PHF3: variants seen among roughly 807,000 people sequenced by gnomAD.
The protein encoded by PHF3 is PHD finger protein 3.
A neutral mutation model predicts 178.4 loss-of-function variants in PHF3; 41 were observed. That is an observed-to-expected ratio of 0.23 (90% CI 0.18 to 0.30). The LOEUF is 0.30. Among genes scored for constraint, PHF3 ranks in the 10% least tolerant of loss-of-function variants. PHF3 has a pLI of 1.00. For missense variants in PHF3, 2,346 were observed against 2,398.1 expected (o/e 0.98, Z 0.45); for synonymous variants, 842 against 800.5 (o/e 1.05, Z -0.88).
At position 63,685,450 on chromosome 6, in the gene PHF3, G is replaced by A; in HGVS notation, c.1728G>A (p.Leu576=). Residue 576 remains leucine (L), a synonymous_variant, in exon 4 of 16, where the codon CTG becomes CTA. Transcript: ENST00000262043. The stretch of plus-strand genomic sequence containing the variant: ...TGAAAAACCAAGCTCATTCTGTACT[G>A]AAAAAAACATTACAGGATCAAACTT... ...KSVKNQAHSV[L]KKTLQDQTLV... 2 of 1,613,908 alleles carry A rather than the reference G, an allele frequency of 1.2e-6. No individual in the cohort carries two copies. The highest frequency in any genetic ancestry group is 1.7e-6 in the Non-Finnish European group (2 of 1,179,986).
At chr6:63,689,578 C>T (rs1766905450) in intron 4 of PHF3, among the ~76,000 whole-genome samples, 1 of 152,124 alleles carries the variant, frequency 6.6e-6, no homozygotes, top group Non-Finnish European at 1.5e-5. Context: ...ACTCTTAAAA[C>T]TGCATTTTTT....
Position 63,712,665 on chromosome 6 carries a change from G to C in PHF3, c.5077G>C (p.Glu1693Gln). The C allele has an allele frequency of 1.2e-6, 2 of 1,613,856 alleles. No individual in the cohort carries two copies. The highest frequency in any genetic ancestry group is 1.7e-6 in the Non-Finnish European group (2 of 1,179,932). ...GTCACACAACAAGGAGCACTTAACA[G>C]AACAAATCAATGTAGAGGAAAAGTT... The part of the protein sequence containing the change: ...GLSHNKEHLT[E>Q]QINVEEKLCS... The change falls in exon 16 of 16, where the codon GAA becomes CAA. Residue 1693 changes from glutamate to glutamine, a missense_variant. By Grantham distance (29) the Glu-to-Gln change is conservative. This residue lies in a region of PHF3 where 839 missense variants were observed against 806.9 expected (regional missense o/e 1.04). Transcript: ENST00000262043.
rs746847002 is a variant in PHF3 at position 63,706,895 on chromosome 6, C to G, written c.3711+19C>G. On this transcript the variant is annotated intron_variant, in intron 13 of 15. Transcript: ENST00000262043. ...GACAGAGGTACTGTGAACTTTTCTG[C>G]TTTTCTGTGCATGAATTGATAATGT... The G allele has an allele frequency of 6.2e-7, 1 of 1,608,840 alleles. No homozygotes were observed. The highest frequency in any genetic ancestry group is 8.5e-7 in the Non-Finnish European group (1 of 1,176,834).
intron 2 of PHF3, among the ~76,000 whole-genome samples, chr6:63,657,297 C>G (rs2149551489): frequency 6.6e-6 from 1 of 152,200 alleles, no homozygotes; most frequent in East Asian, 1.9e-4. Flanking sequence ...ATACAGTAGG[C>G]TCTTGAATAA....
chr6:63,706,076 G>A lies in PHF3; in HGVS notation c.3415G>A (p.Val1139Ile), dbSNP rs1384133582. ...TGATCTTTCTCCAAAAAAAGTAAAA[G>A]TTGTTGTAGGAGTAGCTCGCAAACA... Reference protein sequence around the residue: ...VDDLSPKKVKVVVGVARKHSD... With the variant: ...VDDLSPKKVKIVVGVARKHSD... Residue 1139 changes from valine to isoleucine, a missense_variant, in exon 12 of 16, where the codon GTT (valine) becomes ATT (isoleucine). By Grantham distance (29) the Val-to-Ile change is conservative. Coordinates refer to ENST00000262043, the MANE Select transcript of PHF3 (RefSeq NM_001370348.2). The A allele has an allele frequency of 1.2e-6, 2 of 1,613,780 alleles. No individual in the cohort carries two copies. Among genetic ancestry groups the A allele is most frequent in the East Asian group, 2.2e-5 (1 of 44,846 alleles).
chr6:63,710,846 T>G (rs1424052019), intron 14 of PHF3, among the ~76,000 whole-genome samples: 1 of 152,066 alleles, frequency 6.6e-6, no homozygotes, highest in Non-Finnish European at 1.5e-5. Flanking sequence ...ATTAGAAGAC[T>G]TGGGTTTCAG....
At chr6:63,658,196 A>G (rs1765317086) in intron 2 of PHF3, among the ~76,000 whole-genome samples, 1 of 152,216 alleles carries the variant, frequency 6.6e-6, no homozygotes, top group Admixed American at 6.5e-5. Context: ...TAGAGATTCT[A>G]AAAGTTAGAC....
intron 2 of PHF3, among the ~76,000 whole-genome samples, chr6:63,661,709 T>C (rs1276448861): frequency 6.6e-6 from 1 of 152,180 alleles, no homozygotes; most frequent in African/African-American, 2.4e-5. Context: ...TTTTTTAATA[T>C]ATTGATAAGA....
chr6:63,694,824 A>G (rs1767165850), intron 6 of PHF3, 60 bp downstream of exon 6: 1 of 963,312 alleles, frequency 1.0e-6, no homozygotes, highest in Non-Finnish European at 1.4e-6. Context: ...TTAAGATACA[A>G]TTAATTAGTA....
chr6:63,724,903 G>T lies in PHF3; in HGVS notation c.*11195G>T, dbSNP rs1189303250. Reference sequence around the variant, plus strand: ...GTCCTCTTAGCAGAGGATCAACTATGAAGACTTGGTTAATGTTTACATCAG... The same window carrying T: ...GTCCTCTTAGCAGAGGATCAACTATTAAGACTTGGTTAATGTTTACATCAG... On this transcript the variant is annotated 3_prime_UTR_variant, in exon 16 of 16. Transcript: ENST00000262043. 6.6e-6 allele frequency among the ~76,000 whole-genome samples: 1 copy of T among 152,090 alleles called. No homozygotes were observed. Among genetic ancestry groups the T allele is most frequent in the Non-Finnish European group, 1.5e-5 (1 of 67,970 alleles).
rs987890356 is a variant in PHF3 at position 63,669,859 on chromosome 6, T to A, written c.245-10141T>A. ...CTGCTGTTTCAAGGCTGAATACATATAATAATAATTTTTTTCTCATTAAGT... is the reference window on the plus strand; with the variant it reads ...CTGCTGTTTCAAGGCTGAATACATAAAATAATAATTTTTTTCTCATTAAGT... On this transcript the variant is annotated intron_variant, in intron 2 of 15. Transcript: ENST00000262043. Among the ~76,000 whole-genome samples the A allele has an allele frequency of 6.6e-5, 10 of 152,284 alleles. No homozygotes were observed. The East Asian group carries it at 1.3e-3, about 21-fold the overall frequency.
rs1306679600 is a variant in PHF3 at position 63,711,708 on chromosome 6, A to G, written c.4120A>G (p.Ile1374Val). The G allele has an allele frequency of 1.2e-6, 2 of 1,613,936 alleles. No individual in the cohort carries two copies. Among genetic ancestry groups the G allele is most frequent in the Non-Finnish European group, 8.5e-7 (1 of 1,179,932 alleles). ...IAETPESAPPIALPPDKKSKI... is the reference protein window; with the variant it reads ...IAETPESAPPVALPPDKKSKI... ...TGAGACTCCTGAAAGTGCACCACCA[A>G]TAGCATTGCCACCTGATAAAAAAAG... The change falls in exon 16 of 16, where the codon ATA becomes GTA. Residue 1374 changes from isoleucine to valine, a missense_variant. Ile to Val is a conservative substitution (Grantham distance 29). This residue lies in a region of PHF3 where 839 missense variants were observed against 806.9 expected (regional missense o/e 1.04). Coordinates refer to ENST00000262043, the MANE Select transcript of PHF3 (RefSeq NM_001370348.2).
Position 63,722,925 on chromosome 6 carries a change from G to A in PHF3, c.*9217G>A, listed in dbSNP as rs150209519. Among the ~76,000 whole-genome samples, 796 of 152,238 alleles carry A rather than the reference G, an allele frequency of 5.2e-3. 5 individuals are homozygous for A. Among genetic ancestry groups the A allele is most frequent in the African/African-American group, 0.018 (757 of 41,544 alleles). ...GAATTTTTAGTGAGTATACTATGTC[G>A]TTACATATGTGATATTTGGTTAACA... On this transcript the variant is annotated 3_prime_UTR_variant, in exon 16 of 16. Transcript: ENST00000262043.
At chr6:63,683,111 C>T (rs1024656821) in intron 3 of PHF3, among the ~76,000 whole-genome samples, 1 of 151,534 alleles carries the variant, frequency 6.6e-6, no homozygotes, top group African/African-American at 2.4e-5. Context: ...TTGTTGTGTC[C>T]TATGGGAATT....
chr6:63,709,050 C>T, intron 13 of PHF3, 101 bp from the exon 14 acceptor site: 1 of 579,626 alleles, frequency 1.7e-6, no homozygotes, highest in Non-Finnish European at 2.9e-6. Flanking sequence ...GTTTTTATTA[C>T]TGTTTCAAAT....
intron 9 of PHF3, 145 bp downstream of exon 9, chr6:63,700,611 G>C (rs546320700): frequency 2.0e-6 from 1 of 511,008 alleles, no homozygotes; most frequent in Admixed American, 3.5e-5. Context: ...TTGAGATGGC[G>C]TCTAGCTCAT....
chr6:63,638,370 G>C (rs779940046), intron 1 of PHF3, among the ~76,000 whole-genome samples: 23 of 152,046 alleles, frequency 1.5e-4, no homozygotes, highest in Admixed American at 3.3e-4. Context: ...ACAATTCTGT[G>C]TTTCAGTTAC....
intron 14 of PHF3, among the ~76,000 whole-genome samples, chr6:63,709,652 TACCAAATAGGAGTAA>T (rs1339507400): frequency 2.0e-5 from 3 of 152,172 alleles, no homozygotes; most frequent in Non-Finnish European, 4.4e-5. Context: ...CAGTCAAACA[TACCAAATAGGAGTAA>T]ATGAGGAATA....
At position 63,699,264 on chromosome 6, in the gene PHF3, C is replaced by G. The variant is rs139673560; in HGVS notation, c.2982+659C>G. 3.9e-4 allele frequency among the ~76,000 whole-genome samples: 60 copies of G among 152,190 alleles called. No individual in the cohort carries two copies. The East Asian group carries it at 0.01, about 26-fold the overall frequency. On this transcript the variant is annotated intron_variant, in intron 8 of 15. Transcript: ENST00000262043. Reference sequence around the variant, plus strand: ...GTACAATAAGCAAAAATCATGCCAGCGAACATTTTAAAGGTTCAGAACATG... The same window carrying G: ...GTACAATAAGCAAAAATCATGCCAGGGAACATTTTAAAGGTTCAGAACATG...
Sources: gnomAD v4.1 joint callset for allele counts (sites outside exome capture counted in the v4.1 genomes callset) on GRCh38, gnomAD v4.1.1 for gene constraint, gnomAD v4.1.1 regional missense constraint, MANE v1.5 for transcripts, NCBI Gene and HGNC (gene_info 2026-07-23, HGNC 2026-07-21) for gene names.